Variants in CCNT2 observed in about 807,000 individuals in gnomAD.
CCNT2 encodes cyclin-T2.
Under a neutral mutation model 70.0 loss-of-function variants are expected in CCNT2, and 18 were observed. That is an observed-to-expected ratio of 0.26 (90% CI 0.18 to 0.38). CCNT2 has a LOEUF of 0.38. CCNT2 is among the 10% of genes least tolerant of loss of function. The pLI is 1.00. For synonymous variants in CCNT2, 334 were observed against 313.3 expected, an observed-to-expected ratio of 1.07 and a Z score of -0.70; for missense variants, 734 against 890.2, an observed-to-expected ratio of 0.82 and a Z score of 2.23.
chr2:134,936,159 T>C (rs536124863), intron 2 of CCNT2, among the ~76,000 whole-genome samples: 1 of 151,886 alleles, frequency 6.6e-6, no homozygotes, highest in South Asian at 2.1e-4. Context: ...ATCTTTTTTT[T>C]TTTTTTTCAG....
intron 2 of CCNT2, among the ~76,000 whole-genome samples, chr2:134,933,780 A>T (rs1440513829): frequency 3.3e-5 from 5 of 152,156 alleles, no homozygotes; most frequent in East Asian, 1.9e-4. Flanking sequence ...AATTTTAAAA[A>T]TTTTTCAACA....
At chr2:134,952,541 G>C in intron 7 of CCNT2, 100 bp from the exon 8 acceptor site, 1 of 624,332 alleles carries the variant, frequency 1.6e-6, no homozygotes, top group East Asian at 2.9e-5. Flanking sequence ...TAAAAGTGAA[G>C]TAGATGAACT....
At chr2:134,943,634 A>G (rs1472900680) in intron 5 of CCNT2, 4 of 983,764 alleles carry the variant, frequency 4.1e-6, no homozygotes, top group Non-Finnish European at 4.8e-6. Flanking sequence ...CTTGTAAAGT[A>G]TCTGGTAGTA....
At chr2:134,940,714 A>G (rs975428324) in intron 4 of CCNT2, among the ~76,000 whole-genome samples, 18 of 152,164 alleles carry the variant, frequency 1.2e-4, no homozygotes, top group Admixed American at 6.5e-4. Context: ...ATTGCGGTAA[A>G]AGAGGTTCTG....
Position 134,942,641 on chromosome 2 carries a change from A to G in CCNT2, c.460A>G (p.Thr154Ala). ...TGAGATCACCATTGAACACCCACAC[A>G]CAGATGTGGTGAAATGTACCCAGTT... ...GFEITIEHPHTDVVKCTQLVR... is the reference protein window; with the variant it reads ...GFEITIEHPHADVVKCTQLVR... The change falls in exon 5 of 9, where the codon ACA becomes GCA. Residue 154 changes from threonine to alanine, a missense_variant. By Grantham distance (58) the Thr-to-Ala change is moderately conservative. Transcript: ENST00000264157. The G allele has an allele frequency of 6.2e-7, 1 of 1,610,940 alleles. No homozygotes were observed. The highest frequency in any genetic ancestry group is 8.5e-7 in the Non-Finnish European group (1 of 1,178,976).
chr2:134,951,101 C>G (rs1682469004), intron 7 of CCNT2, among the ~76,000 whole-genome samples: 1 of 146,218 alleles, frequency 6.8e-6, no homozygotes, highest in African/African-American at 2.5e-5. Context: ...TTTTTTTCAT[C>G]CAAACTGGAT....
chr2:134,930,894 T>C (rs1339122004), intron 2 of CCNT2, among the ~76,000 whole-genome samples: 2 of 152,198 alleles, frequency 1.3e-5, no homozygotes, highest in African/African-American at 4.8e-5. Flanking sequence ...AAGAGTTTTA[T>C]AGATTTAGCT....
intron 2 of CCNT2, among the ~76,000 whole-genome samples, chr2:134,923,305 A>T (rs887801336): frequency 9.2e-5 from 14 of 151,992 alleles, no homozygotes; most frequent in Middle Eastern, 3.2e-3. Flanking sequence ...ATAATAATAA[A>T]AATAAATAAA....
At chr2:134,950,493 C>T (rs1036753357) in intron 7 of CCNT2, among the ~76,000 whole-genome samples, 10 of 152,010 alleles carry the variant, frequency 6.6e-5, no homozygotes, top group Admixed American at 3.9e-4. Context: ...ACACACAAAC[C>T]GGGCATGGTG....
chr2:134,926,286 G>T (rs1443040482), intron 2 of CCNT2, among the ~76,000 whole-genome samples: 1 of 152,176 alleles, frequency 6.6e-6, no homozygotes, highest in Non-Finnish European at 1.5e-5. Context: ...TGTACCTTCA[G>T]AGTGCTTTAA....
intron 2 of CCNT2, among the ~76,000 whole-genome samples, chr2:134,926,981 C>T (rs961850045): frequency 6.6e-6 from 1 of 152,156 alleles, no homozygotes; most frequent in African/African-American, 2.4e-5. Context: ...TTTATAAGTA[C>T]ATTTAAATGA....
intron 2 of CCNT2, among the ~76,000 whole-genome samples, chr2:134,920,573 A>T (rs1357044993): frequency 6.6e-6 from 1 of 152,192 alleles, no homozygotes; most frequent in Non-Finnish European, 1.5e-5. Context: ...TTGAAATGTT[A>T]ATTTCATTTA....
At chr2:134,944,892 A>T in intron 5 of CCNT2, 1 of 985,144 alleles carries the variant, frequency 1.0e-6, no homozygotes, top group Non-Finnish European at 1.2e-6. Context: ...TTTAATTATT[A>T]TTTTTTCCTT....
At chr2:134,932,028 C>CT (rs1251707283) in intron 2 of CCNT2, among the ~76,000 whole-genome samples, 1 of 151,920 alleles carries the variant, frequency 6.6e-6, no homozygotes, top group Non-Finnish European at 1.5e-5. Flanking sequence ...CAGTCTCACT[C>CT]TGTCACCCAG....
chr2:134,920,066 T>C (rs1679775168), intron 2 of CCNT2, 175 bp downstream of exon 2: 2 of 533,788 alleles, frequency 3.7e-6, no homozygotes, highest in South Asian at 2.3e-5. Flanking sequence ...AAATTTATGA[T>C]GAATTAAACT....
rs1682811087 is a variant in CCNT2 at position 134,954,620 on chromosome 2, TGTTAA to T, written c.2168_2172del (p.Leu723CysfsTer33). The T allele has an allele frequency of 1.2e-6, 2 of 1,608,462 alleles. No homozygotes were observed. Among genetic ancestry groups the T allele is most frequent in the South Asian group, 2.2e-5 (2 of 90,972 alleles). ...GACACATTCGACATGCTGGACTCAC[TGTTAA>T]GTGCCCAAGGAATGAACATGTAATA... On this transcript the variant is annotated frameshift_variant, in exon 9 of 9. Transcript: ENST00000264157. LOFTEE classifies it high-confidence loss of function.
chr2:134,939,705 A>G (rs2105056054), intron 4 of CCNT2, among the ~76,000 whole-genome samples: 2 of 152,266 alleles, frequency 1.3e-5, no homozygotes, highest in South Asian at 4.1e-4. Context: ...AGCTCAGGGA[A>G]TCTGCCCACT....
chr2:134,952,645 A>G lies in CCNT2; in HGVS notation c.708A>G (p.Leu236=). The G allele has an allele frequency of 6.3e-7, 1 of 1,579,734 alleles. No homozygotes were observed. The highest frequency in any genetic ancestry group is 8.6e-7 in the Non-Finnish European group (1 of 1,162,444). The change falls in exon 8 of 9, where the codon CTA becomes CTG. Residue 236 remains leucine (L), a synonymous_variant. Transcript: ENST00000264157. ...PTVTLELLDE[L]THEFLQILEK... ...AAATTTAAATTTTATTTTTAGAGCTAACACATGAGTTTCTACAAATATTGG... is the reference window on the plus strand; with the variant it reads ...AAATTTAAATTTTATTTTTAGAGCTGACACATGAGTTTCTACAAATATTGG...
At chr2:134,934,381 GC>G (rs1681001489) in intron 2 of CCNT2, among the ~76,000 whole-genome samples, 1 of 152,202 alleles carries the variant, frequency 6.6e-6, no homozygotes, top group Non-Finnish European at 1.5e-5. Flanking sequence ...AACCAAGCTT[GC>G]ATGTGCCAGT....
Sources: gnomAD v4.1 joint callset for allele counts (sites outside exome capture counted in the v4.1 genomes callset) on GRCh38, gnomAD v4.1.1 for gene constraint, MANE v1.5 for transcripts, NCBI Gene and HGNC (gene_info 2026-07-23, HGNC 2026-07-21) for gene names.